The following OSBPL5 variants were observed in gnomAD, a reference collection of about 807,000 sequenced individuals.
OSBPL5 encodes the protein oxysterol binding protein like 5.
Under a neutral mutation model 111.2 loss-of-function variants are expected in OSBPL5, and 71 were observed. The observed-to-expected ratio is 0.64, with a 90% CI of 0.53 to 0.78. The LOEUF (loss-of-function observed/expected upper bound fraction) is 0.78, where lower values mean the gene tolerates loss of function less well. OSBPL5 is among the 30% of genes least tolerant of loss of function. The pLI, the probability that OSBPL5 is intolerant of heterozygous loss-of-function variation, is 0.00. For missense variants in OSBPL5, 1,210 were observed against 1,189.3 expected (o/e 1.02, Z -0.26); for synonymous variants, 549 against 513.9 (o/e 1.07, Z -0.93).
At chr11:3,116,836 C>G (rs982586896) in intron 7 of OSBPL5, among the ~76,000 whole-genome samples, 1 of 123,818 alleles carries the variant, frequency 8.1e-6, no homozygotes, top group African/African-American at 3.3e-5. Flanking sequence ...GTCTGGGCAA[C>G]AGAGTGAGAC....
At chr11:3,108,740 C>A (rs1034158198) in intron 7 of OSBPL5, among the ~76,000 whole-genome samples, 2 of 151,220 alleles carry the variant, frequency 1.3e-5, no homozygotes, top group African/African-American at 2.5e-5. Flanking sequence ...CTCGTGGTGG[C>A]CTGTGACAGG....
At chr11:3,119,416 C>G in intron 7 of OSBPL5, 131 bp downstream of exon 7, 1 of 904,824 alleles carries the variant, frequency 1.1e-6, no homozygotes, top group Non-Finnish European at 1.6e-6. Context: ...CTCATCCTGG[C>G]CAGACTTCAG....
chr11:3,144,097 G>T (rs1387152470), intron 1 of OSBPL5, among the ~76,000 whole-genome samples: 1 of 152,170 alleles, frequency 6.6e-6, no homozygotes, highest in Non-Finnish European at 1.5e-5. Flanking sequence ...GGGTCCCACA[G>T]CCCTGAGACC....
rs1368040681 is a variant in OSBPL5 at position 3,140,290 on chromosome 11, A to C, written c.-21-11121T>G. ...ACAGCAATGCTCTCTGTGAAGGGCC[A>C]GCATGGTGCCACCCAGGAGTGACAC... On this transcript the variant is annotated intron_variant, in intron 1 of 21. Coordinates refer to ENST00000263650, the MANE Select transcript of OSBPL5 (RefSeq NM_020896.4). The surrounding 1 kb of genome is among the most constrained non-coding windows in gnomAD (Gnocchi z 4.5). Among the ~76,000 whole-genome samples the C allele has an allele frequency of 6.6e-6, 1 of 152,202 alleles. No individual in the cohort carries two copies. The highest frequency in any genetic ancestry group is 1.5e-5 in the Non-Finnish European group (1 of 68,024).
intron 7 of OSBPL5, among the ~76,000 whole-genome samples, chr11:3,112,468 GTT>G (rs774024122): frequency 6.4e-4 from 75 of 117,652 alleles, no homozygotes; most frequent in East Asian, 2.8e-3. Flanking sequence ...CCTGTTTTGT[GTT>G]TTCTTTTCTT....
chr11:3,123,819 G>A (rs936016504), intron 3 of OSBPL5, among the ~76,000 whole-genome samples: 4 of 152,236 alleles, frequency 2.6e-5, no homozygotes, highest in Non-Finnish European at 5.9e-5. Flanking sequence ...AGGTGGGGCC[G>A]GTTATTGTCC....
At chr11:3,115,072 A>G (rs1040390240) in intron 7 of OSBPL5, among the ~76,000 whole-genome samples, 1 of 152,094 alleles carries the variant, frequency 6.6e-6, no homozygotes, top group Admixed American at 6.5e-5. Flanking sequence ...CAGCTCATAT[A>G]AGTTTTGTTT....
At chr11:3,095,194 AT>A (rs373398281) in intron 14 of OSBPL5, among the ~76,000 whole-genome samples, 195 of 150,720 alleles carry the variant, frequency 1.3e-3, no homozygotes, top group African/African-American at 4.2e-3. Context: ...TGCAGCTCTG[AT>A]GGGGGGAGGT....
chr11:3,108,300 TGGCATAA>T (rs3058463), intron 7 of OSBPL5, among the ~76,000 whole-genome samples: 22,094 of 152,094 alleles, frequency 0.15, 1,735 homozygotes, highest in Admixed American at 0.2. Context: ...GACGAGGGGC[TGGCATAA>T]GTGACCCCTC....
In OSBPL5 at chr11:3,105,022, A is replaced by G. The variant is rs1000924866; in HGVS notation, c.1060-645T>C. The stretch of plus-strand genomic sequence containing the variant: ...CCCTCATCTCTTCCTTTTCTGAGAC[A>G]TCTAACCCTCACCACAGCTCCAGAA... On this transcript the variant is annotated intron_variant, in intron 9 of 21. Coordinates refer to ENST00000263650, the MANE Select transcript of OSBPL5 (RefSeq NM_020896.4). This position sits in a 1 kb window ranked among gnomAD's most constrained non-coding sequence, Gnocchi z 5.2. Among the ~76,000 whole-genome samples, 1 of 151,972 alleles carries G rather than the reference A, an allele frequency of 6.6e-6. No individual in the cohort carries two copies. The highest frequency in any genetic ancestry group is 2.4e-5 in the African/African-American group (1 of 41,374).
At chr11:3,115,503 C>T (rs1370410172) in intron 7 of OSBPL5, among the ~76,000 whole-genome samples, 1 of 152,182 alleles carries the variant, frequency 6.6e-6, no homozygotes, top group African/African-American at 2.4e-5. Context: ...TCCTGAGACA[C>T]AGAAATTAAA....
In OSBPL5 at chr11:3,093,581, C is replaced by G; in HGVS notation, c.1892G>C (p.Arg631Thr). 1 of 1,612,498 alleles carries G rather than the reference C, an allele frequency of 6.2e-7. No homozygotes were observed. Among genetic ancestry groups the G allele is most frequent in the Non-Finnish European group, 8.5e-7 (1 of 1,179,996 alleles). Reference protein sequence around the residue: ...WTPSGEVRRQRLRQHTVPLEE... With the variant: ...WTPSGEVRRQTLRQHTVPLEE... ...CAGCGGCACCGTGTGCTGCCTCAGCCTCTGTCTGCGGACCTCCCCGCTCGG... is the reference window on the plus strand; with the variant it reads ...CAGCGGCACCGTGTGCTGCCTCAGCGTCTGTCTGCGGACCTCCCCGCTCGG... Residue 631 changes from arginine (R) to threonine (T), a missense_variant, in exon 17 of 22, where the codon AGG becomes ACG. Transcript: ENST00000263650.
chr11:3,156,925 C>G (rs1272191407), intron 1 of OSBPL5, among the ~76,000 whole-genome samples: 1 of 152,230 alleles, frequency 6.6e-6, no homozygotes, highest in African/African-American at 2.4e-5. Context: ...CATGGCCCCA[C>G]ACAGGGTGGG....
At chr11:3,164,808 G>C (rs1341859523) in intron 1 of OSBPL5, among the ~76,000 whole-genome samples, 1 of 152,176 alleles carries the variant, frequency 6.6e-6, no homozygotes, top group African/African-American at 2.4e-5. Context: ...GAGCTGGGGG[G>C]ACAGACCCCC....
At chr11:3,148,475 G>A (rs978233987) in intron 1 of OSBPL5, among the ~76,000 whole-genome samples, 1 of 152,218 alleles carries the variant, frequency 6.6e-6, no homozygotes, top group Non-Finnish European at 1.5e-5. Flanking sequence ...GAAGAACAGA[G>A]GTCACAGAAG....
intron 14 of OSBPL5, among the ~76,000 whole-genome samples, chr11:3,097,929 G>T (rs576422226): frequency 2.4e-3 from 367 of 152,216 alleles, no homozygotes; most frequent in Non-Finnish European, 3.9e-3. Flanking sequence ...TTTGCTGGGC[G>T]TGGTGGCGGG....
At chr11:3,145,809 T>A (rs1371866550) in intron 1 of OSBPL5, among the ~76,000 whole-genome samples, 1 of 152,180 alleles carries the variant, frequency 6.6e-6, no homozygotes, top group Non-Finnish European at 1.5e-5. Context: ...CCTGTCGCCC[T>A]CAGTGGTTGG....
In OSBPL5 at chr11:3,100,176, G is replaced by A; in HGVS notation, c.1603C>T (p.Pro535Ser). The change falls in exon 14 of 22, where the codon CCC becomes TCC. Residue 535 changes from proline (P) to serine (S), a missense_variant. Transcript: ENST00000263650. ...CTCTCACCTTTGCAGTGGGCGTAGG[G>A]CATGGTAAGGGTGTAATCCTCGGCT... The part of the protein sequence containing the change: ...NRAEDYTLTM[P>S]YAHCKGILYG... 1 of 1,614,176 alleles carries A rather than the reference G, an allele frequency of 6.2e-7. No homozygotes were observed. The highest frequency in any genetic ancestry group is 8.5e-7 in the Non-Finnish European group (1 of 1,180,032).
intron 1 of OSBPL5, among the ~76,000 whole-genome samples, chr11:3,129,702 C>T (rs137896545): frequency 0.011 from 1,690 of 152,316 alleles, 32 homozygotes; most frequent in African/African-American, 0.039. Context: ...CCAGGAGCGC[C>T]TCGCCTCTGG....
Sources: gnomAD v4.1 joint callset for allele counts (sites outside exome capture counted in the v4.1 genomes callset) on GRCh38, gnomAD v4.1.1 for gene constraint, Gnocchi (gnomAD v3.1) non-coding constraint, MANE v1.5 for transcripts, NCBI Gene and HGNC (gene_info 2026-07-23, HGNC 2026-07-21) for gene names.